Variants in CPZ observed in about 807,000 individuals in gnomAD.
The protein encoded by CPZ is carboxypeptidase Z.
A neutral mutation model predicts 61.8 loss-of-function variants in CPZ; 103 were observed. The ratio of observed to expected loss-of-function variants is 1.67; its 90% CI spans 1.42 to 1.96. The LOEUF is 1.96. Ranked by LOEUF, CPZ falls within the 30% of genes most tolerant of loss-of-function variation. The probability of loss-of-function intolerance (pLI) is 0.00; values close to 1 mark genes in which losing one functional copy is unlikely to be tolerated. For missense variants in CPZ, 1,461 were observed against 914.9 expected (o/e 1.60, Z -7.70); for synonymous variants, 551 against 373.7 (o/e 1.47, Z -5.47).
intron 1 of CPZ, among the ~76,000 whole-genome samples, chr4:8,595,201 A>G (rs1018335929): frequency 1.3e-5 from 2 of 152,224 alleles, no homozygotes; most frequent in African/African-American, 2.4e-5. Flanking sequence ...CACACATCGC[A>G]CACATTGGTT....
At chr4:8,606,684 A>T (rs1341595094) in intron 5 of CPZ, 53 bp from the exon 6 acceptor site, 1 of 1,609,822 alleles carries the variant, frequency 6.2e-7, no homozygotes. Context: ...ATCTGGAAGG[A>T]GGAGGGTGGG....
intron 8 of CPZ, 92 bp downstream of exon 8, chr4:8,612,254 T>A: frequency 9.0e-7 from 1 of 1,111,172 alleles, no homozygotes; most frequent in South Asian, 1.7e-5. Context: ...GGTCTGCTGC[T>A]GGGATCCAGC....
chr4:8,616,051 T>C (rs569729301), intron 9 of CPZ, among the ~76,000 whole-genome samples: 1 of 152,204 alleles, frequency 6.6e-6, no homozygotes, highest in Non-Finnish European at 1.5e-5. Flanking sequence ...GCCTCGGATG[T>C]GGCTGGCATT....
intron 1 of CPZ, 35 bp downstream of exon 1, chr4:8,592,956 C>T (rs2302582): frequency 0.05 from 72,828 of 1,459,076 alleles, 2,824 homozygotes; most frequent in East Asian, 0.23. Context: ...CTCCACCCTC[C>T]ACCCTGCAAC....
chr4:8,604,702 C>T lies in CPZ; in HGVS notation c.709+514C>T, dbSNP rs941617014. On this transcript the variant is annotated intron_variant, in intron 4 of 10. Coordinates refer to ENST00000360986, the MANE Select transcript of CPZ (RefSeq NM_001014447.3). ...TTCACCATGTTGGCCAGGCTAGTCT[C>T]GAACTCCTGACCTCAAGTGATCCGC... Among the ~76,000 whole-genome samples, 12 of 152,320 alleles carry T rather than the reference C, an allele frequency of 7.9e-5. No individual in the cohort carries two copies. In the South Asian group the frequency reaches 8.3e-4, roughly 11 times the overall value.
chr4:8,613,330 C>G (rs571925868), intron 8 of CPZ, among the ~76,000 whole-genome samples: 1 of 152,186 alleles, frequency 6.6e-6, no homozygotes, highest in East Asian at 1.9e-4. Context: ...TGGGGTTTCA[C>G]CATGTTGGCC....
intron 7 of CPZ, among the ~76,000 whole-genome samples, chr4:8,607,626 G>A (rs1715149615): frequency 6.6e-6 from 1 of 152,170 alleles, no homozygotes; most frequent in Admixed American, 6.5e-5. Flanking sequence ...AGGGGCCGTC[G>A]CTCCCCTGAT....
At position 8,607,417 on chromosome 4, in the gene CPZ, G is replaced by C; in HGVS notation, c.1219G>C (p.Asp407His). The C allele has an allele frequency of 1.2e-6, 2 of 1,613,894 alleles. No homozygotes were observed. Among genetic ancestry groups the C allele is most frequent in the South Asian group, 1.1e-5 (1 of 91,062 alleles). ...GGAGAAGATGTTTTCTCCCACGCCC[G>C]ACGAGAAGGTGAGAGGGCTGTCGGG... Reference protein sequence around the residue: ...QEEKMFSPTPDEKMFKLLSRA... With the variant: ...QEEKMFSPTPHEKMFKLLSRA... Residue 407 changes from aspartate (D) to histidine (H), a missense_variant, in exon 7 of 11, where the codon GAC becomes CAC. Asp to His is a moderately conservative substitution (Grantham distance 81). Transcript: ENST00000360986.
intron 3 of CPZ, 66 bp from the exon 4 acceptor site, chr4:8,603,910 G>A (rs549875484): frequency 2.3e-5 from 33 of 1,415,524 alleles, no homozygotes; most frequent in Admixed American, 1.2e-4. Context: ...TGTGGTCAGC[G>A]TTCCCAGGCA....
chr4:8,614,728 C>T (rs967831322), intron 9 of CPZ, among the ~76,000 whole-genome samples: 1 of 152,158 alleles, frequency 6.6e-6, no homozygotes, highest in Non-Finnish European at 1.5e-5. Flanking sequence ...GTGTTGGAGT[C>T]CCTGTGAGCA....
rs367781747 is a variant in CPZ at position 8,596,997 on chromosome 4, A to G, written c.89-2456A>G. On this transcript the variant is annotated intron_variant, in intron 1 of 10. Coordinates refer to ENST00000360986, the MANE Select transcript of CPZ (RefSeq NM_001014447.3). ...GCCAGCTCAGGGCCAGGCCACGCTC[A>G]GTGCCAGCCGGGCACCGTCAGAGCC... Among the ~76,000 whole-genome samples the G allele has an allele frequency of 3.9e-5, 6 of 152,354 alleles. No homozygotes were observed. The South Asian group carries it at 1.0e-3, about 26-fold the overall frequency.
chr4:8,600,098 G>A (rs1325050508), intron 2 of CPZ: 2 of 152,230 alleles, frequency 1.3e-5, no homozygotes, highest in Admixed American at 6.5e-5. Context: ...TGGGTACCAA[G>A]TCAATGACAT....
chr4:8,603,764 C>A (rs1433842523), intron 3 of CPZ: 1 of 590,648 alleles, frequency 1.7e-6, no homozygotes, highest in Non-Finnish European at 3.0e-6. Flanking sequence ...ACGTTAGGAA[C>A]CATGGCGCTG....
intron 8 of CPZ, among the ~76,000 whole-genome samples, chr4:8,612,701 C>CA (rs972930688): frequency 6.6e-6 from 1 of 152,190 alleles, no homozygotes; most frequent in Non-Finnish European, 1.5e-5. Flanking sequence ...ATATAATGGG[C>CA]ATATGCCACT....
intron 3 of CPZ, 193 bp from the exon 4 acceptor site, chr4:8,603,783 A>G (rs1238519876): frequency 6.5e-6 from 4 of 612,884 alleles, no homozygotes; most frequent in Non-Finnish European, 1.2e-5. Context: ...TGTGCTGTGT[A>G]CATACCTCAG....
rs560783630 is a variant in CPZ, at chr4:8,615,394, C to A, written c.1503+896C>A. Among the ~76,000 whole-genome samples the A allele has an allele frequency of 4.6e-5, 7 of 152,270 alleles. No individual in the cohort carries two copies. The South Asian group carries it at 1.5e-3, about 32-fold the overall frequency. ...AGGATGTCACAGGGAAGGCAGCCTG[C>A]GTTCGAAGAAGCTTCTGCTATTTTT... On this transcript the variant is annotated intron_variant, in intron 9 of 10. Coordinates refer to ENST00000360986, the MANE Select transcript of CPZ (RefSeq NM_001014447.3).
intron 2 of CPZ, 48 bp downstream of exon 2, chr4:8,599,533 G>GC: frequency 6.2e-7 from 1 of 1,609,032 alleles, no homozygotes; most frequent in Non-Finnish European, 8.5e-7. Flanking sequence ...GAGGGCTGCA[G>GC]CCCCCACACT....
chr4:8,598,749 G>T (rs976407577), intron 1 of CPZ, among the ~76,000 whole-genome samples: 10 of 152,272 alleles, frequency 6.6e-5, no homozygotes, highest in African/African-American at 2.2e-4. Context: ...TTAGCAGCCA[G>T]CATTGCTTAG....
rs779629312 is a variant in CPZ at position 8,599,484 on chromosome 4, C to A, written c.120C>A (p.Ser40Arg). The change falls in exon 2 of 11, where the codon AGC (serine) becomes AGA (arginine). Residue 40 changes from serine (S) to arginine (R), a missense_variant and splice_region_variant. By Grantham distance (110) the Ser-to-Arg change is moderately radical. Coordinates refer to ENST00000360986, the MANE Select transcript of CPZ (RefSeq NM_001014447.3). ...GECHRPPAADSATCVDLQLRT... is the reference protein window; with the variant it reads ...GECHRPPAADRATCVDLQLRT... ...GCCACAGGCCACCAGCTGCAGACAG[C>A]GGTACAGTACCGGGACCTCCCTGGC... The A allele has an allele frequency of 3.7e-6, 6 of 1,613,368 alleles. No individual in the cohort carries two copies. The highest frequency in any genetic ancestry group is 1.7e-5 in the Admixed American group (1 of 59,964).
Sources: gnomAD v4.1 joint callset for allele counts (sites outside exome capture counted in the v4.1 genomes callset) on GRCh38, gnomAD v4.1.1 for gene constraint, MANE v1.5 for transcripts, NCBI Gene and HGNC (gene_info 2026-07-23, HGNC 2026-07-21) for gene names.